Variants in COL7A1 observed in about 807,000 individuals in gnomAD.
The protein encoded by COL7A1 is collagen alpha-1(VII) chain.
Under a neutral mutation model 456.2 loss-of-function variants are expected in COL7A1, and 296 were observed. The ratio of observed to expected loss-of-function variants is 0.65; its 90% CI spans 0.59 to 0.71. The LOEUF is 0.71. Among genes scored for constraint, COL7A1 ranks in the 30% least tolerant of loss-of-function variants. The probability of loss-of-function intolerance (pLI) is 0.00; values close to 1 mark genes in which losing one functional copy is unlikely to be tolerated. For synonymous variants in COL7A1, 1,464 were observed against 1,525.9 expected (o/e 0.96, Z 0.95); for missense variants, 3,441 against 4,017.2 (o/e 0.86, Z 3.88).
At position 48,571,225 on chromosome 3, in the gene COL7A1, C is replaced by T; in HGVS notation, c.7104+18G>A. 1.9e-6 allele frequency: 3 copies of T among 1,614,164 alleles called. No homozygotes were observed. Among genetic ancestry groups the T allele is most frequent in the Admixed American group, 1.7e-5 (1 of 60,028 alleles). ...TCACGACCAGGACCCCAGCAGGGAC[C>T]CTTCTGGGTACACATACCTTGAAAC... On this transcript the variant is annotated intron_variant, in intron 93 of 118. Transcript: ENST00000681320. This position sits in a 1 kb window ranked among gnomAD's most constrained non-coding sequence, Gnocchi z 4.6.
chr3:48,580,125 A>G lies in COL7A1; in HGVS notation c.5098-68T>C. 1 of 1,595,664 alleles carries G rather than the reference A, an allele frequency of 6.3e-7. No homozygotes were observed. On this transcript the variant is annotated intron_variant, in intron 56 of 118. Coordinates refer to ENST00000681320, the MANE Select transcript of COL7A1 (RefSeq NM_000094.4). This position sits in a 1 kb window ranked among gnomAD's most constrained non-coding sequence, Gnocchi z 4.5. ...CCAGGCCATGGCTCTGGTTTGCCCC[A>G]GGCTCAACTCTGCCCCCAAGTTCCC... is the stretch of plus-strand genomic sequence containing the variant.
At position 48,573,968 on chromosome 3, in the gene COL7A1, T is replaced by TGG; in HGVS notation, c.6502-80_6502-79dup. 6.4e-7 allele frequency: 1 copy of TGG among 1,564,078 alleles called. No homozygotes were observed. The highest frequency in any genetic ancestry group is 8.7e-7 in the Non-Finnish European group (1 of 1,146,822). ...TCCCAACCTCTGGGGGCTTTTTCCT[T>TGG]GGGGGTCAATTTCCATACCTCACCC... is the stretch of plus-strand genomic sequence containing the variant. On this transcript the variant is annotated intron_variant, in intron 80 of 118. Transcript: ENST00000681320. This position sits in a 1 kb window ranked among gnomAD's most constrained non-coding sequence, Gnocchi z 5.5.
Position 48,578,107 on chromosome 3 carries a change from T to G in COL7A1, c.5532+214A>C, listed in dbSNP as rs1023505578. On this transcript the variant is annotated intron_variant, in intron 65 of 118. Coordinates refer to ENST00000681320, the MANE Select transcript of COL7A1 (RefSeq NM_000094.4). This position sits in a 1 kb window ranked among gnomAD's most constrained non-coding sequence, Gnocchi z 4.7. ...TGAACCCGAGAGTCGAAGGTTGCAG[T>G]GAGCTGAGATTGTGCCACTGCACTC... 6.6e-6 allele frequency among the ~76,000 whole-genome samples: 1 copy of G among 151,664 alleles called. No individual in the cohort carries two copies. Among genetic ancestry groups the G allele is most frequent in the South Asian group, 2.1e-4 (1 of 4,806 alleles).
chr3:48,571,368 G>A lies in COL7A1; in HGVS notation c.7069-90C>T. On this transcript the variant is annotated intron_variant, in intron 92 of 118. Coordinates refer to ENST00000681320, the MANE Select transcript of COL7A1 (RefSeq NM_000094.4). The surrounding 1 kb of genome is among the most constrained non-coding windows in gnomAD (Gnocchi z 4.6). ...CTGAAAATATTCCCAGGGGAGTTCT[G>A]ATGTGACCATGAACACATGGGAACT... The A allele has an allele frequency of 6.6e-7, 1 of 1,519,914 alleles. No individual in the cohort carries two copies. Among genetic ancestry groups the A allele is most frequent in the African/African-American group, 1.4e-5 (1 of 72,976 alleles). The allele number at this position is 1,519,914 out of a possible 1,614,324, so 94.2% of individuals were successfully genotyped here. A position where few individuals can be genotyped will look rare whatever the true frequency, so the allele number is the denominator to read the frequency against.
In COL7A1 at chr3:48,592,154, G is replaced by C; in HGVS notation, c.1188C>G (p.Ser396Arg). The part of the protein sequence containing the change: ...EPGTDYEVTV[S>R]TLFGRSVGPA... ...GCCCCACACTGCGGCCAAATAGGGT[G>C]CTCACGGTCACCTCATAGTCCGTGC... The change falls in exon 10 of 119, where the codon AGC (serine) becomes AGG (arginine). Residue 396 changes from serine (S) to arginine (R), a missense_variant. By Grantham distance (110) the Ser-to-Arg change is moderately radical. Coordinates refer to ENST00000681320, the MANE Select transcript of COL7A1 (RefSeq NM_000094.4). This position sits in a 1 kb window ranked among gnomAD's most constrained non-coding sequence, Gnocchi z 7.6. 6.2e-7 allele frequency: 1 copy of C among 1,614,126 alleles called. No homozygotes were observed. Among genetic ancestry groups the C allele is most frequent in the Non-Finnish European group, 8.5e-7 (1 of 1,180,042 alleles).
rs780153876 is a variant in COL7A1 at position 48,575,176 on chromosome 3, A to T, written c.6216+31T>A. On this transcript the variant is annotated intron_variant, in intron 75 of 118. Coordinates refer to ENST00000681320, the MANE Select transcript of COL7A1 (RefSeq NM_000094.4). The surrounding 1 kb of genome is among the most constrained non-coding windows in gnomAD (Gnocchi z 6.3). ...GGCAGCCCCAGCACAGCCTCCAGACAGCCTGCCCCACGAAGCCCATCGCAG... is the reference window on the plus strand; with the variant it reads ...GGCAGCCCCAGCACAGCCTCCAGACTGCCTGCCCCACGAAGCCCATCGCAG... 5 of 1,613,828 alleles carry T rather than the reference A, an allele frequency of 3.1e-6. No homozygotes were observed. Among genetic ancestry groups the T allele is most frequent in the Non-Finnish European group, 4.2e-6 (5 of 1,179,972 alleles).
rs896123862 is a variant in COL7A1 at position 48,591,294 on chromosome 3, C to A, written c.1636+170G>T. 2.0e-5 allele frequency among the ~76,000 whole-genome samples: 3 copies of A among 152,074 alleles called. No individual in the cohort carries two copies. The highest frequency in any genetic ancestry group is 7.2e-5 in the African/African-American group (3 of 41,386). ...TTGGGGTAGGGTAGGGGCAGACACA[C>A]CCTGTTGACAGTTCAGGGCTCAGTG... On this transcript the variant is annotated intron_variant, in intron 13 of 118. Coordinates refer to ENST00000681320, the MANE Select transcript of COL7A1 (RefSeq NM_000094.4). The surrounding 1 kb of genome is among the most constrained non-coding windows in gnomAD (Gnocchi z 7.0).
chr3:48,564,973 A>G lies in COL7A1; in HGVS notation c.8628T>C (p.Cys2876=). The G allele has an allele frequency of 6.2e-7, 1 of 1,614,100 alleles. No homozygotes were observed. Among genetic ancestry groups the G allele is most frequent in the Non-Finnish European group, 8.5e-7 (1 of 1,179,988 alleles). ...AGGAGCCCTCATCCAGTGGCAGGGAACAGGGGTCTGGGCCAATGGGGTCAA... is the reference window on the plus strand; with the variant it reads ...AGGAGCCCTCATCCAGTGGCAGGGAGCAGGGGTCTGGGCCAATGGGGTCAA... ...PEAPWDSDDP[C]SLPLDEGSCT... is the part of the protein sequence containing the mutation. The change falls in exon 118 of 119, where the codon TGT becomes TGC. Residue 2876 remains cysteine, a synonymous_variant. Coordinates refer to ENST00000681320, the MANE Select transcript of COL7A1 (RefSeq NM_000094.4). This position sits in a 1 kb window ranked among gnomAD's most constrained non-coding sequence, Gnocchi z 6.0.
chr3:48,571,361 G>T lies in COL7A1; in HGVS notation c.7069-83C>A. ...ACACGGGCTGAAAATATTCCCAGGG[G>T]AGTTCTGATGTGACCATGAACACAT... On this transcript the variant is annotated intron_variant, in intron 92 of 118. Coordinates refer to ENST00000681320, the MANE Select transcript of COL7A1 (RefSeq NM_000094.4). The surrounding 1 kb of genome is among the most constrained non-coding windows in gnomAD (Gnocchi z 4.6). 2 of 1,543,198 alleles carry T rather than the reference G, an allele frequency of 1.3e-6. No homozygotes were observed. Among genetic ancestry groups the T allele is most frequent in the Non-Finnish European group, 1.8e-6 (2 of 1,119,616 alleles).
At position 48,572,449 on chromosome 3, in the gene COL7A1, T is replaced by C. The variant is rs758943035; in HGVS notation, c.6937-28A>G. ...GGTAAGGGGGAGAGGTCAGTGGGAT[T>C]CCTTGGCCCCCACCAGTTGACCCCC... is the stretch of plus-strand genomic sequence containing the variant. On this transcript the variant is annotated intron_variant, in intron 89 of 118. Coordinates refer to ENST00000681320, the MANE Select transcript of COL7A1 (RefSeq NM_000094.4). The surrounding 1 kb of genome is among the most constrained non-coding windows in gnomAD (Gnocchi z 4.6). 10 of 1,613,900 alleles carry C rather than the reference T, an allele frequency of 6.2e-6. No homozygotes were observed. The highest frequency in any genetic ancestry group is 1.7e-5 in the Admixed American group (1 of 60,004).
At position 48,574,227 on chromosome 3, in the gene COL7A1, G is replaced by A. The variant is rs771549871; in HGVS notation, c.6501+35C>T. ...AGCAGCAGCACCTAGCGGAGGGTCC[G>A]GAGCCTGGGGCCAGGTGCTTCAGCC... On this transcript the variant is annotated intron_variant, in intron 80 of 118. Transcript: ENST00000681320. This position sits in a 1 kb window ranked among gnomAD's most constrained non-coding sequence, Gnocchi z 5.0. The A allele has an allele frequency of 1.7e-5, 28 of 1,613,142 alleles. No homozygotes were observed. The highest frequency in any genetic ancestry group is 1.5e-4 in the African/African-American group (11 of 74,788).
rs773363147 is a variant in COL7A1, at chr3:48,595,123, C to T, written c.37G>A (p.Gly13Arg). 1.0e-5 allele frequency: 16 copies of T among 1,554,698 alleles called. No individual in the cohort carries two copies. The South Asian group carries it at 1.5e-4, about 15-fold the overall frequency. ...ACTCGGGGCGCCTCTGCCAGGATCC[C>T]GGCGCAGAGCGCGGCCACCAGAAGC... ...LRLLVAALCA[G>R]ILAEAPRVRA... The change falls in exon 2 of 119, where the codon GGG (glycine) becomes AGG (arginine). Residue 13 changes from glycine to arginine, a missense_variant. Around this residue, in one of 3 missense-constraint regions of COL7A1, gnomAD observed 913 missense variants for 1,088.2 expected, o/e 0.84. Coordinates refer to ENST00000681320, the MANE Select transcript of COL7A1 (RefSeq NM_000094.4).
Position 48,593,650 on chromosome 3 carries a change from G to A in COL7A1, c.313C>T (p.Arg105Cys), listed in dbSNP as rs778085630. ...TTGTAGCTAAGCTCACGGATGGCGC[G>A]GATCACATCACCCCCAGAGCCAAGT... ...DALGSGGDVI[R>C]AIRELSYKGG... Residue 105 changes from arginine to cysteine, a missense_variant, in exon 4 of 119, where the codon CGC (arginine) becomes TGC (cysteine). Coordinates refer to ENST00000681320, the MANE Select transcript of COL7A1 (RefSeq NM_000094.4). The surrounding 1 kb of genome is among the most constrained non-coding windows in gnomAD (Gnocchi z 4.4). 18 of 1,614,068 alleles carry A rather than the reference G, an allele frequency of 1.1e-5. No individual in the cohort carries two copies. Among genetic ancestry groups the A allele is most frequent in the South Asian group, 4.4e-5 (4 of 91,088 alleles).
chr3:48,581,506 A>G lies in COL7A1; in HGVS notation c.4783-23T>C. 6.2e-7 allele frequency: 1 copy of G among 1,614,120 alleles called. No individual in the cohort carries two copies. The highest frequency in any genetic ancestry group is 8.5e-7 in the Non-Finnish European group (1 of 1,179,988). ...ACCCTGAAGGGGACAGAAGGGGGGC[A>G]GGACTTAGTCAGGGTCCCACCACCT... On this transcript the variant is annotated intron_variant, in intron 50 of 118. Transcript: ENST00000681320. This position sits in a 1 kb window ranked among gnomAD's most constrained non-coding sequence, Gnocchi z 5.8.
In COL7A1 at chr3:48,588,416, G is replaced by C; in HGVS notation, c.2588-12C>G. On this transcript the variant is annotated splice_polypyrimidine_tract_variant and intron_variant, in intron 20 of 118. Transcript: ENST00000681320. This position sits in a 1 kb window ranked among gnomAD's most constrained non-coding sequence, Gnocchi z 4.6. Reference sequence around the variant, plus strand: ...CGGAGCCTCAGGCGCTGGAGAGAAAGCTCAGGAATCAGGGAGGCTCTGCCC... The same window carrying C: ...CGGAGCCTCAGGCGCTGGAGAGAAACCTCAGGAATCAGGGAGGCTCTGCCC... 6.2e-7 allele frequency: 1 copy of C among 1,607,472 alleles called. No homozygotes were observed. Among genetic ancestry groups the C allele is most frequent in the Non-Finnish European group, 8.5e-7 (1 of 1,179,636 alleles).
Position 48,587,819 on chromosome 3 carries a change from G to T in COL7A1, c.2831C>A (p.Pro944His), listed in dbSNP as rs747612543. 9 of 1,613,348 alleles carry T rather than the reference G, an allele frequency of 5.6e-6. No individual in the cohort carries two copies. The highest frequency in any genetic ancestry group is 6.8e-6 in the Non-Finnish European group (8 of 1,179,982). The part of the protein sequence containing the change: ...LSVLGPAGEG[P>H]SAEVTARTES... ...AGTGCGCGCAGTCACCTCTGCAGAGGGCCCTTCTCCAGCTGGCCCTAGGAC... is the reference window on the plus strand; with the variant it reads ...AGTGCGCGCAGTCACCTCTGCAGAGTGCCCTTCTCCAGCTGGCCCTAGGAC... Residue 944 changes from proline to histidine, a missense_variant, in exon 22 of 119, where the codon CCC (proline) becomes CAC (histidine). Coordinates refer to ENST00000681320, the MANE Select transcript of COL7A1 (RefSeq NM_000094.4). This position sits in a 1 kb window ranked among gnomAD's most constrained non-coding sequence, Gnocchi z 6.1.
Position 48,569,698 on chromosome 3 carries a change from C to T in COL7A1, c.7557+27G>A, listed in dbSNP as rs892240994. 37 of 1,613,980 alleles carry T rather than the reference C, an allele frequency of 2.3e-5. No homozygotes were observed. The highest frequency in any genetic ancestry group is 4.2e-6 in the Non-Finnish European group (5 of 1,180,006). ...GGAGTCGGGAGCACCCTGGCCCCTG[C>T]CCTGCCCTCCCCATGCCCACACTCA... On this transcript the variant is annotated intron_variant, in intron 101 of 118. Coordinates refer to ENST00000681320, the MANE Select transcript of COL7A1 (RefSeq NM_000094.4). The surrounding 1 kb of genome is among the most constrained non-coding windows in gnomAD (Gnocchi z 4.9).
Position 48,566,291 on chromosome 3 carries a change from G to A in COL7A1, c.8383C>T (p.Arg2795Cys), listed in dbSNP as rs574446079. The A allele has an allele frequency of 2.1e-5, 33 of 1,603,114 alleles. No homozygotes were observed. Among genetic ancestry groups the A allele is most frequent in the African/African-American group, 1.7e-4 (13 of 74,936 alleles). The change falls in exon 114 of 119, where the codon CGC (arginine) becomes TGC (cysteine). Residue 2795 changes from arginine (R) to cysteine (C), a missense_variant. Coordinates refer to ENST00000681320, the MANE Select transcript of COL7A1 (RefSeq NM_000094.4). This position sits in a 1 kb window ranked among gnomAD's most constrained non-coding sequence, Gnocchi z 5.9. ...CCACAGTGCTGACTCATCTCTTGGC[G>A]CACAAAGCCCCGGATGTCATCCTCC... Reference protein sequence around the residue: ...LTEDDIRGFVRQEMSQHCACQ... With the variant: ...LTEDDIRGFVCQEMSQHCACQ...
Position 48,587,246 on chromosome 3 carries a change from A to G in COL7A1, c.3083T>C (p.Leu1028Pro). 6.2e-7 allele frequency: 1 copy of G among 1,613,328 alleles called. No individual in the cohort carries two copies. The highest frequency in any genetic ancestry group is 8.5e-7 in the Non-Finnish European group (1 of 1,179,734). ...LEPGVSYIFS[L>P]TPVLDGVRGP... is the part of the protein sequence containing the mutation. The stretch of plus-strand genomic sequence containing the variant: ...CCGCACACCATCCAGGACAGGCGTC[A>G]GGGAGAAGATGTAAGAGACGCCAGG... Residue 1028 changes from leucine (L) to proline (P), a missense_variant, in exon 24 of 119, where the codon CTG becomes CCG. Around this residue, in one of 3 missense-constraint regions of COL7A1, gnomAD observed 444 missense variants for 427.6 expected, o/e 1.04. Coordinates refer to ENST00000681320, the MANE Select transcript of COL7A1 (RefSeq NM_000094.4). This position sits in a 1 kb window ranked among gnomAD's most constrained non-coding sequence, Gnocchi z 6.1.
Sources: allele counts gnomAD v4.1 joint callset (sites outside exome capture counted in the v4.1 genomes callset), GRCh38; gene constraint gnomAD v4.1.1; regional missense constraint gnomAD v4.1.1; non-coding constraint Gnocchi (gnomAD v3.1); transcripts MANE v1.5; gene names NCBI Gene and HGNC (gene_info 2026-07-23, HGNC 2026-07-21).